ITIH6: variants seen among roughly 807,000 people sequenced by gnomAD.
ITIH6 encodes the protein inter-alpha-trypsin inhibitor heavy chain family member 6, also known as inter-alpha-trypsin inhibitor heavy chain H6.
ITIH6 carries 60 observed loss-of-function variants against 58.2 expected under a neutral mutation model. The ratio of observed to expected loss-of-function variants is 1.03; its 90% CI spans 0.84 to 1.28. The LOEUF is 1.28. ITIH6 is among the 50% of genes most tolerant of loss of function. The pLI, the probability that ITIH6 is intolerant of heterozygous loss-of-function variation, is 0.00. For missense variants in ITIH6, 1,290 were observed against 1,021.1 expected (o/e 1.26, Z -3.59); for synonymous variants, 493 against 417.4 (o/e 1.18, Z -2.21).
intron 5 of ITIH6, among the ~76,000 whole-genome samples, 160 bp downstream of exon 5, chrX:54,788,320 C>T (rs1237872251): frequency 9.0e-6 from 1 of 111,496 alleles, no homozygotes; most frequent in African/African-American, 3.3e-5. Context: ...TGATGTGCCT[C>T]CCAAAGTTGA....
intron 5 of ITIH6, among the ~76,000 whole-genome samples, chrX:54,781,122 C>T (rs1409554158): frequency 2.7e-5 from 3 of 111,219 alleles, no homozygotes; most frequent in Non-Finnish European, 5.7e-5. Context: ...AACGTAAAAC[C>T]CAAAACTATA....
chrX:54,755,027 C>T lies in ITIH6; in HGVS notation c.3192G>A (p.Gly1064=), dbSNP rs752824352. The T allele has an allele frequency of 8.3e-7, 1 of 1,207,732 alleles. No homozygotes were observed. Among genetic ancestry groups the T allele is most frequent in the Non-Finnish European group, 1.1e-6 (1 of 891,782 alleles). Reference sequence around the variant, plus strand: ...GAGCTCCTTGCTCACCTTTTGCTAACCCCACAGAACTTCCTTGAGATTCCA... The same window carrying T: ...GAGCTCCTTGCTCACCTTTTGCTAATCCCACAGAACTTCCTTGAGATTCCA... ...GSMESQGSSV[G]LAKGTLPSIF... is the part of the protein sequence containing the mutation. The change falls in exon 9 of 13, where the codon GGG becomes GGA. Residue 1064 remains glycine (G), a synonymous_variant. Transcript: ENST00000218436.
chrX:54,791,837 T>C, intron 3 of ITIH6, 89 bp downstream of exon 3: 1 of 531,684 alleles, frequency 1.9e-6, no homozygotes, highest in Non-Finnish European at 3.4e-6. Flanking sequence ...TCTGCAGAGA[T>C]GGAGACTGAG....
chrX:54,765,989 G>A (rs1446192992), intron 6 of ITIH6, among the ~76,000 whole-genome samples: 4 of 111,125 alleles, frequency 3.6e-5, no homozygotes, highest in South Asian at 7.6e-4. Flanking sequence ...AGGCAGTATG[G>A]CCATTTTCAC....
At chrX:54,783,600 A>C (rs1291890159) in intron 5 of ITIH6, among the ~76,000 whole-genome samples, 1 of 112,139 alleles carries the variant, frequency 8.9e-6, no homozygotes, top group African/African-American at 3.2e-5. Flanking sequence ...GCCACAAACA[A>C]AATTAAACAC....
rs140014185 is a variant in ITIH6 at position 54,757,231 on chromosome X, G to A, written c.2843C>T (p.Pro948Leu). ...GRFWHQYDLL[P>L]GPQRTRQVLG... The stretch of plus-strand genomic sequence containing the variant: ...AACTTGCCTGGTCCTCTGGGGACCC[G>A]GGAGGAGGTCATACTGATGCCAGAA... The change falls in exon 8 of 13, where the codon CCG becomes CTG. Residue 948 changes from proline (P) to leucine (L), a missense_variant. By Grantham distance (98) the Pro-to-Leu change is moderately conservative. Transcript: ENST00000218436. 4.5e-4 allele frequency: 538 copies of A among 1,193,506 alleles called. No homozygotes were observed. Among genetic ancestry groups the A allele is most frequent in the African/African-American group, 4.2e-3 (241 of 56,712 alleles).
chrX:54,757,230 C>A lies in ITIH6; in HGVS notation c.2844G>T (p.Pro948=). Residue 948 remains proline (P), a synonymous_variant, in exon 8 of 13, where the codon CCG becomes CCT. Transcript: ENST00000218436. ...GAACTTGCCTGGTCCTCTGGGGACCCGGGAGGAGGTCATACTGATGCCAGA... is the reference window on the plus strand; with the variant it reads ...GAACTTGCCTGGTCCTCTGGGGACCAGGGAGGAGGTCATACTGATGCCAGA... The part of the protein sequence containing the change: ...GRFWHQYDLL[P]GPQRTRQVLG... The A allele has an allele frequency of 3.3e-6, 4 of 1,194,966 alleles. No individual in the cohort carries two copies. Among genetic ancestry groups the A allele is most frequent in the Non-Finnish European group, 4.5e-6 (4 of 886,438 alleles).
chrX:54,798,094 C>T lies in ITIH6; in HGVS notation c.102+15G>A. ...CACAAATCCCCAAGCTTTTTTCCCT[C>T]ATCCCAGAACTGACCTTTGTGCTTG... On this transcript the variant is annotated intron_variant, in intron 1 of 12. Transcript: ENST00000218436. The T allele has an allele frequency of 1.8e-6, 2 of 1,102,065 alleles. No individual in the cohort carries two copies. Among genetic ancestry groups the T allele is most frequent in the Non-Finnish European group, 2.4e-6 (2 of 816,747 alleles). 90.8% of individuals were successfully genotyped at this position (1,102,065 alleles called of 1,213,427 possible). A position where few individuals can be genotyped will look rare whatever the true frequency, so the allele number is the denominator to read the frequency against.
At chrX:54,762,156 C>A (rs1928660351) in intron 6 of ITIH6, among the ~76,000 whole-genome samples, 1 of 111,580 alleles carries the variant, frequency 9.0e-6, no homozygotes, top group East Asian at 2.8e-4. Flanking sequence ...TCCTTCACAT[C>A]CCTTGTAAGT....
intron 6 of ITIH6, among the ~76,000 whole-genome samples, chrX:54,770,036 G>T (rs907317326): frequency 9.0e-6 from 1 of 111,724 alleles, no homozygotes; most frequent in African/African-American, 3.2e-5. Context: ...GCGAGATTCC[G>T]TGGGCGTAGG....
At chrX:54,770,222 T>C (rs1473386618) in intron 6 of ITIH6, among the ~76,000 whole-genome samples, 1 of 112,699 alleles carries the variant, frequency 8.9e-6, no homozygotes, top group Admixed American at 9.3e-5. Flanking sequence ...AGGCAATGCC[T>C]CGCCCTGCTT....
chrX:54,773,993 T>G, intron 6 of ITIH6, 88 bp downstream of exon 6: 2 of 513,037 alleles, frequency 3.9e-6, no homozygotes, highest in Admixed American at 6.6e-5. Context: ...GTGGAATCTC[T>G]TCTCCCAGGG....
rs776624568 is a variant in ITIH6 at position 54,790,948 on chromosome X, G to A, written c.505C>T (p.Gln169Ter). The change falls in exon 4 of 13, where the codon CAA (glutamine) becomes TAA (stop). Residue 169 changes from glutamine to a stop codon, truncating the protein, a stop_gained. Coordinates refer to ENST00000218436, the MANE Select transcript of ITIH6 (RefSeq NM_198510.3). LOFTEE classifies it high-confidence loss of function. ...TCTATGCTCAGCCTCTTCACCAATTGGCCAGGCCTCAGGCTCACCACCAGC... is the reference window on the plus strand; with the variant it reads ...TCTATGCTCAGCCTCTTCACCAATTAGCCAGGCCTCAGGCTCACCACCAGC... ...YQLVVSLRPG[Q>*]LVKRLSIEVT... 4 of 1,212,047 alleles carry A rather than the reference G, an allele frequency of 3.3e-6. No individual in the cohort carries two copies. The highest frequency in any genetic ancestry group is 4.5e-6 in the Non-Finnish European group (4 of 895,568).
At chrX:54,756,108 A>G (rs1215477130) in intron 8 of ITIH6, among the ~76,000 whole-genome samples, 1 of 110,932 alleles carries the variant, frequency 9.0e-6, no homozygotes, top group Non-Finnish European at 1.9e-5. Context: ...ATAACTGAGG[A>G]TGGATAGGAT....
intron 6 of ITIH6, among the ~76,000 whole-genome samples, chrX:54,768,166 G>C (rs1927142336): frequency 2.0e-5 from 1 of 50,266 alleles, no homozygotes; most frequent in Non-Finnish European, 3.2e-5. Flanking sequence ...TGTCTCTTTT[G>C]ATCTTTGTTG....
chrX:54,792,680 G>T (rs1460460891), intron 2 of ITIH6, among the ~76,000 whole-genome samples: 1 of 111,662 alleles, frequency 9.0e-6, no homozygotes, highest in Non-Finnish European at 1.9e-5. Flanking sequence ...GGAGCTCAGA[G>T]ACTGATGAGT....
In ITIH6 at chrX:54,759,871, G is replaced by C; in HGVS notation, c.960C>G (p.Asn320Lys). The C allele has an allele frequency of 8.3e-7, 1 of 1,209,821 alleles. No individual in the cohort carries two copies. Among genetic ancestry groups the C allele is most frequent in the Non-Finnish European group, 1.1e-6 (1 of 893,670 alleles). Residue 320 changes from asparagine (N) to lysine (K), a missense_variant, in exon 7 of 13, where the codon AAC becomes AAG. Transcript: ENST00000218436. The part of the protein sequence containing the change: ...LSDLQANDYF[N>K]IISFSDTVNV... ...TAACTGTGTCAGAAAAGGAGATGATGTTGAAGTAGTCATTGGCTTGAAGGT... is the reference window on the plus strand; with the variant it reads ...TAACTGTGTCAGAAAAGGAGATGATCTTGAAGTAGTCATTGGCTTGAAGGT...
At chrX:54,783,626 C>T (rs1460897864) in intron 5 of ITIH6, among the ~76,000 whole-genome samples, 1 of 111,578 alleles carries the variant, frequency 9.0e-6, no homozygotes, top group Admixed American at 9.5e-5. Flanking sequence ...ATTAACTTAA[C>T]CAAAGAAGTG....
At chrX:54,768,051 C>T (rs1284543589) in intron 6 of ITIH6, among the ~76,000 whole-genome samples, 33 of 100,330 alleles carry the variant, frequency 3.3e-4, no homozygotes, top group African/African-American at 1.3e-3. Context: ...TCACTCAGGA[C>T]ATGCTTTATG....
Sources: gnomAD v4.1 joint callset for allele counts (sites outside exome capture counted in the v4.1 genomes callset) on GRCh38, gnomAD v4.1.1 for gene constraint, MANE v1.5 for transcripts, NCBI Gene and HGNC (gene_info 2026-07-23, HGNC 2026-07-21) for gene names.